The following DISC1 variants were observed in gnomAD, a reference collection of about 807,000 sequenced individuals.
DISC1 encodes the protein DISC1 scaffold protein, also known as disrupted in schizophrenia 1 protein.
In DISC1, 57 loss-of-function variants were observed where a neutral mutation model predicts 84.5. That is an observed-to-expected ratio of 0.67 (90% CI 0.55 to 0.84). DISC1 has a LOEUF of 0.84. DISC1 is among the 40% of genes least tolerant of loss of function. The pLI, the probability that DISC1 is intolerant of heterozygous loss-of-function variation, is 0.00. For synonymous variants in DISC1, 411 were observed against 415.2 expected (o/e 0.99, Z 0.12); for missense variants, 1,000 against 1,057.8 (o/e 0.95, Z 0.76).
chr1:231,766,528 A>G (rs1373754631), intron 4 of DISC1, among the ~76,000 whole-genome samples: 1 of 152,194 alleles, frequency 6.6e-6, no homozygotes, highest in Non-Finnish European at 1.5e-5. Context: ...CTCATTGACT[A>G]GTGACTCAAA....
chr1:231,639,549 T>C (rs1468976490), intron 1 of DISC1, among the ~76,000 whole-genome samples: 1 of 152,240 alleles, frequency 6.6e-6, no homozygotes, highest in Non-Finnish European at 1.5e-5. Flanking sequence ...TTGCTTGCTA[T>C]TGTTGTGGAT....
At chr1:231,802,919 C>T (rs2079391758) in intron 8 of DISC1, among the ~76,000 whole-genome samples, 1 of 152,070 alleles carries the variant, frequency 6.6e-6, no homozygotes, top group Non-Finnish European at 1.5e-5. Context: ...CTGCCTACTA[C>T]CAAGTCCCAA....
intron 4 of DISC1, among the ~76,000 whole-genome samples, chr1:231,766,488 A>G (rs112706803): frequency 4.6e-5 from 7 of 152,268 alleles, no homozygotes; most frequent in African/African-American, 1.2e-4. Context: ...TTGTGGGAGA[A>G]AATCTTCTGA....
chr1:231,988,999 A>G (rs200359946), intron 10 of DISC1, among the ~76,000 whole-genome samples: 1 of 152,132 alleles, frequency 6.6e-6, no homozygotes, highest in Non-Finnish European at 1.5e-5. Context: ...TGTAAGCAGC[A>G]CCAGCCTCTG....
At chr1:231,638,628 A>G (rs1462935958) in intron 1 of DISC1, among the ~76,000 whole-genome samples, 5 of 152,070 alleles carry the variant, frequency 3.3e-5, no homozygotes, top group African/African-American at 4.8e-5. Flanking sequence ...GTTCTTGTCA[A>G]TGTTGTCAAA....
intron 2 of DISC1, among the ~76,000 whole-genome samples, chr1:231,699,433 A>C (rs541776347): frequency 1.3e-4 from 20 of 152,170 alleles, no homozygotes; most frequent in South Asian, 8.3e-4. Context: ...AGAAAAAAAA[A>C]CCCAAAAAAC....
At chr1:231,822,881 CT>C (rs1441428157) in intron 9 of DISC1, among the ~76,000 whole-genome samples, 1 of 152,144 alleles carries the variant, frequency 6.6e-6, no homozygotes, top group East Asian at 1.9e-4. Flanking sequence ...ATGACACACT[CT>C]TTTTAACAAC....
chr1:231,851,390 C>T (rs146574984), intron 9 of DISC1, among the ~76,000 whole-genome samples: 493 of 152,268 alleles, frequency 3.2e-3, no homozygotes, highest in Middle Eastern at 6.8e-3. Context: ...AGCATCCTCT[C>T]GCAGAGTTGG....
At chr1:231,993,415 G>A (rs538372074) in intron 10 of DISC1, among the ~76,000 whole-genome samples, 2 of 151,648 alleles carry the variant, frequency 1.3e-5, no homozygotes, top group East Asian at 3.9e-4. Context: ...AAGGCAGAAA[G>A]GCCCATCACT....
In DISC1 at chr1:231,666,794, G is replaced by A. The variant is rs115323285; in HGVS notation, c.68-27032G>A. 2.5e-3 allele frequency among the ~76,000 whole-genome samples: 374 copies of A among 152,288 alleles called. 6 individuals are homozygous for A. The highest frequency in any genetic ancestry group is 8.6e-3 in the African/African-American group (357 of 41,558). On this transcript the variant is annotated intron_variant, in intron 1 of 12. Transcript: ENST00000439617. Reference sequence around the variant, plus strand: ...TTCACCCCATCGTAATGGGCTCTGAGGAGGACTGGCAACATGTAGAATCTG... The same window carrying A: ...TTCACCCCATCGTAATGGGCTCTGAAGAGGACTGGCAACATGTAGAATCTG...
intron 10 of DISC1, among the ~76,000 whole-genome samples, chr1:231,999,804 C>A (rs1666423032): frequency 7.1e-6 from 1 of 140,046 alleles, no homozygotes; most frequent in Non-Finnish European, 1.5e-5. Flanking sequence ...CCAGATGAAT[C>A]AAGCAGAAAA....
At chr1:231,798,764 C>T (rs189079342) in intron 7 of DISC1, among the ~76,000 whole-genome samples, 1 of 152,208 alleles carries the variant, frequency 6.6e-6, no homozygotes, top group East Asian at 1.9e-4. Flanking sequence ...AAACTGTCGT[C>T]TTCATCCAGA....
At chr1:231,905,812 T>C (rs2088589526) in intron 9 of DISC1, among the ~76,000 whole-genome samples, 1 of 152,040 alleles carries the variant, frequency 6.6e-6, no homozygotes, top group African/African-American at 2.4e-5. Context: ...AGTCTATCAT[T>C]ATTGATTTCC....
At chr1:231,965,275 G>T (rs995481156) in intron 10 of DISC1, among the ~76,000 whole-genome samples, 1 of 152,208 alleles carries the variant, frequency 6.6e-6, no homozygotes, top group African/African-American at 2.4e-5. Flanking sequence ...TAAGTTAGAT[G>T]CATGTATTCC....
At chr1:231,874,022 A>AT (rs2085666134) in intron 9 of DISC1, among the ~76,000 whole-genome samples, 1 of 140,582 alleles carries the variant, frequency 7.1e-6, no homozygotes. Flanking sequence ...TATTTTTTTT[A>AT]TTTTTGGTAG....
At chr1:231,815,108 A>G (rs1434653540) in intron 8 of DISC1, 1 of 151,894 alleles carries the variant, frequency 6.6e-6, no homozygotes, top group Non-Finnish European at 1.5e-5. Flanking sequence ...AACACTAACT[A>G]ATTTATGGGA....
chr1:231,835,245 G>A (rs1373185777), intron 9 of DISC1, among the ~76,000 whole-genome samples: 1 of 152,184 alleles, frequency 6.6e-6, no homozygotes, highest in Non-Finnish European at 1.5e-5. Context: ...TTTCACTCGC[G>A]TCCGTGTGAA....
chr1:231,940,852 A>G (rs192431938), intron 9 of DISC1: 1 of 152,252 alleles, frequency 6.6e-6, no homozygotes, highest in Non-Finnish European at 1.5e-5. Context: ...TCTTGATTGC[A>G]ATGAGAGGCT....
intron 8 of DISC1, among the ~76,000 whole-genome samples, chr1:231,816,829 C>G (rs2081037989): frequency 6.6e-6 from 1 of 152,154 alleles, no homozygotes; most frequent in Non-Finnish European, 1.5e-5. Flanking sequence ...GAAACCAAGA[C>G]TCACTTTTTA....
Sources: allele counts gnomAD v4.1 joint callset (sites outside exome capture counted in the v4.1 genomes callset), GRCh38; gene constraint gnomAD v4.1.1; transcripts MANE v1.5; gene names NCBI Gene and HGNC (gene_info 2026-07-23, HGNC 2026-07-21).